RANBP2: variants seen among roughly 807,000 people sequenced by gnomAD.
The protein encoded by RANBP2 is E3 SUMO-protein ligase RanBP2.
In RANBP2, 57 loss-of-function variants were observed where a neutral mutation model predicts 303.6. The observed-to-expected ratio is 0.19, with a 90% CI of 0.15 to 0.23. The LOEUF is 0.23. Ranked by LOEUF, RANBP2 falls within the 10% of genes least tolerant of loss-of-function variation. RANBP2 has a pLI of 1.00. For synonymous variants in RANBP2, 1,167 were observed against 1,301.5 expected (o/e 0.90, Z 2.23); for missense variants, 3,138 against 3,780.8 (o/e 0.83, Z 4.46).
the RANBP2 span, among the ~76,000 whole-genome samples, chr2:109,445,744 G>A: frequency 5.3e-5 from 8 of 152,070 alleles, no homozygotes; most frequent in African/African-American, 1.7e-4. Flanking sequence ...GAGGGGTGTG[G>A]GGAAGTAGAG....
At chr2:108,916,557 G>A in the RANBP2 span, among the ~76,000 whole-genome samples, 6 of 152,256 alleles carry the variant, frequency 3.9e-5, no homozygotes, top group Admixed American at 6.5e-5. Context: ...CCTGATCACC[G>A]GATGGTTCCC....
At chr2:109,596,406 A>T in the RANBP2 span, among the ~76,000 whole-genome samples, 1 of 152,086 alleles carries the variant, frequency 6.6e-6, no homozygotes, top group African/African-American at 2.4e-5. Flanking sequence ...TCATGAGGTC[A>T]GGAGATCAAG....
chr2:109,610,430 C>T, the RANBP2 span, among the ~76,000 whole-genome samples: 3 of 151,728 alleles, frequency 2.0e-5, no homozygotes, highest in Non-Finnish European at 4.4e-5. Flanking sequence ...AAAAAAAGGT[C>T]TGGGCCGGGC....
At chr2:108,748,561 C>G (rs981844598) in intron 8 of RANBP2, among the ~76,000 whole-genome samples, 8 of 152,078 alleles carry the variant, frequency 5.3e-5, no homozygotes, top group Admixed American at 1.3e-4. Context: ...GGATTCTGAT[C>G]AGCCAGGTTC....
chr2:109,475,800 A>C, the RANBP2 span, among the ~76,000 whole-genome samples: 1 of 152,228 alleles, frequency 6.6e-6, no homozygotes. Context: ...GGTTCCTCTG[A>C]AACAGTGACT....
the RANBP2 span, among the ~76,000 whole-genome samples, chr2:108,942,103 G>GTGTGCT: frequency 6.6e-6 from 1 of 152,232 alleles, no homozygotes; most frequent in Non-Finnish European, 1.5e-5. Flanking sequence ...GTGTGCTGGG[G>GTGTGCT]GCAGAGGCCC....
At chr2:109,303,223 A>AGAT in the RANBP2 span, among the ~76,000 whole-genome samples, 1 of 152,112 alleles carries the variant, frequency 6.6e-6, no homozygotes, top group Admixed American at 6.6e-5. Flanking sequence ...ACTTTGGGAG[A>AGAT]GATTCACTTG....
the RANBP2 span, among the ~76,000 whole-genome samples, chr2:108,894,288 T>C: frequency 2.2e-4 from 33 of 152,212 alleles, no homozygotes; most frequent in African/African-American, 7.7e-4. Flanking sequence ...TAATGTTTGC[T>C]TCTGCCTAGT....
the RANBP2 span, among the ~76,000 whole-genome samples, chr2:108,942,914 T>C: frequency 2.0e-5 from 3 of 152,200 alleles, no homozygotes; most frequent in Admixed American, 2.0e-4. Context: ...AATAGATGGA[T>C]TTTCTCCCTG....
chr2:108,902,267 T>C, the RANBP2 span, among the ~76,000 whole-genome samples: 2 of 151,764 alleles, frequency 1.3e-5, no homozygotes, highest in East Asian at 3.9e-4. Flanking sequence ...TCCCAGCTAC[T>C]TGGGAGGCTG....
At chr2:109,535,611 G>C in the RANBP2 span, among the ~76,000 whole-genome samples, 1 of 152,172 alleles carries the variant, frequency 6.6e-6, no homozygotes, top group Non-Finnish European at 1.5e-5. Flanking sequence ...GTCTCCACAG[G>C]TGTGTTTCTG....
the RANBP2 span, among the ~76,000 whole-genome samples, chr2:109,308,083 T>A: frequency 6.8e-6 from 1 of 146,640 alleles, no homozygotes; most frequent in Admixed American, 6.7e-5. Context: ...CTCCAGCACC[T>A]GTTGTTTCCT....
chr2:109,191,995 C>A, the RANBP2 span, among the ~76,000 whole-genome samples: 1 of 152,134 alleles, frequency 6.6e-6, no homozygotes, highest in African/African-American at 2.4e-5. Context: ...CAAACCCTCC[C>A]CCTCCACCTC....
At chr2:109,646,588 T>C in the RANBP2 span, among the ~76,000 whole-genome samples, 1 of 151,822 alleles carries the variant, frequency 6.6e-6, no homozygotes. Context: ...GCCTTCTGGG[T>C]TCAAGTGATT....
chr2:109,302,929 T>C, the RANBP2 span, among the ~76,000 whole-genome samples: 2 of 152,150 alleles, frequency 1.3e-5, no homozygotes, highest in African/African-American at 2.4e-5. Context: ...CAGGCTGGAG[T>C]GCAGTGGCAT....
the RANBP2 span, among the ~76,000 whole-genome samples, chr2:108,999,705 T>C: frequency 6.6e-6 from 1 of 152,208 alleles, no homozygotes; most frequent in Non-Finnish European, 1.5e-5. Flanking sequence ...ATCCCTGAAA[T>C]TAAGGATTTT....
At chr2:109,558,979 G>C in the RANBP2 span, among the ~76,000 whole-genome samples, 2 of 151,830 alleles carry the variant, frequency 1.3e-5, no homozygotes, top group African/African-American at 4.8e-5. Context: ...TCCACCTCCT[G>C]GGTTCAAGCA....
chr2:108,826,076 T>G, the RANBP2 span, among the ~76,000 whole-genome samples: 20 of 152,314 alleles, frequency 1.3e-4, no homozygotes, highest in African/African-American at 4.8e-4. Context: ...TCTACTTAAA[T>G]CCATTGAGCA....
the RANBP2 span, among the ~76,000 whole-genome samples, chr2:109,144,292 T>C: frequency 3.0e-4 from 46 of 152,260 alleles, no homozygotes; most frequent in Non-Finnish European, 5.6e-4. Context: ...ACCTTAAATA[T>C]ATACAATTTT....
Sources: gnomAD v4.1 joint callset for allele counts (sites outside exome capture counted in the v4.1 genomes callset) on GRCh38, gnomAD v4.1.1 for gene constraint, MANE v1.5 for transcripts, NCBI Gene and HGNC (gene_info 2026-07-23, HGNC 2026-07-21) for gene names.